Variants in PCSK2 observed in about 807,000 individuals in gnomAD.
PCSK2 encodes proprotein convertase subtilisin/kexin type 2, also known as neuroendocrine convertase 2.
Under a neutral mutation model 69.7 loss-of-function variants are expected in PCSK2, and 14 were observed. The ratio of observed to expected loss-of-function variants is 0.20; its 90% CI spans 0.13 to 0.31. PCSK2 has a LOEUF of 0.31. PCSK2 is among the 10% of genes least tolerant of loss of function. The pLI is 1.00. For missense variants in PCSK2, 544 were observed against 842.5 expected (o/e 0.65, Z 4.39); for synonymous variants, 307 against 320.7 (o/e 0.96, Z 0.46).
intron 2 of PCSK2, among the ~76,000 whole-genome samples, chr20:17,307,159 GAGACCC>G (rs1989352015): frequency 6.6e-6 from 1 of 152,136 alleles, no homozygotes; most frequent in African/African-American, 2.4e-5. Flanking sequence ...AAATTTTTTA[GAGACCC>G]TACTTGCCAA....
At chr20:17,379,520 A>G (rs1159051304) in intron 5 of PCSK2, among the ~76,000 whole-genome samples, 2 of 152,250 alleles carry the variant, frequency 1.3e-5, no homozygotes, top group African/African-American at 4.8e-5. Flanking sequence ...AATCATGAGT[A>G]CTATAACTGT....
At chr20:17,312,742 AGT>A (rs573281344) in intron 2 of PCSK2, among the ~76,000 whole-genome samples, 86 of 152,140 alleles carry the variant, frequency 5.7e-4, no homozygotes, top group African/African-American at 2.0e-3. Flanking sequence ...TGGAGAAGCG[AGT>A]GTGTGTGTCC....
chr20:17,308,794 G>A (rs1420596619), intron 2 of PCSK2, among the ~76,000 whole-genome samples: 1 of 152,108 alleles, frequency 6.6e-6, no homozygotes, highest in African/African-American at 2.4e-5. Context: ...CATTTGAACT[G>A]ACTCAACTCT....
intron 6 of PCSK2, among the ~76,000 whole-genome samples, chr20:17,414,459 C>T (rs569720383): frequency 1.3e-5 from 2 of 152,294 alleles, no homozygotes; most frequent in East Asian, 3.9e-4. Context: ...TTCCTGAACA[C>T]AAACACCCTC....
At chr20:17,480,687 T>C (rs1325667606) in intron 11 of PCSK2, among the ~76,000 whole-genome samples, 3 of 152,070 alleles carry the variant, frequency 2.0e-5, no homozygotes, top group East Asian at 1.9e-4. Context: ...GAATTGGAGA[T>C]GTAAAATAAG....
chr20:17,447,791 T>A (rs6136095), intron 8 of PCSK2, among the ~76,000 whole-genome samples: 89,854 of 151,978 alleles, frequency 0.59, 26,741 homozygotes, highest in South Asian at 0.7. Flanking sequence ...ATAAAACTAA[T>A]AAAAAATTAT....
chr20:17,387,072 G>A (rs2031256018), intron 5 of PCSK2, among the ~76,000 whole-genome samples: 1 of 152,198 alleles, frequency 6.6e-6, no homozygotes, highest in Admixed American at 6.5e-5. Flanking sequence ...TAAGGATCAT[G>A]CAGACAGGTA....
intron 6 of PCSK2, among the ~76,000 whole-genome samples, chr20:17,420,052 C>T (rs1363716715): frequency 6.6e-6 from 1 of 152,130 alleles, no homozygotes; most frequent in Non-Finnish European, 1.5e-5. Flanking sequence ...GGCTGAAGAA[C>T]ATTTATCTCT....
rs60625183 is a variant in PCSK2, at chr20:17,452,899, C to T, written c.886-843C>T. On this transcript the variant is annotated intron_variant, in intron 8 of 11. Coordinates refer to ENST00000262545, the MANE Select transcript of PCSK2 (RefSeq NM_002594.5). Reference sequence around the variant, plus strand: ...TAAGAACATGGTTTGAGGAGAAGAGCCATGCTAACTGTAGGGACTTATGCA... The same window carrying T: ...TAAGAACATGGTTTGAGGAGAAGAGTCATGCTAACTGTAGGGACTTATGCA... Among the ~76,000 whole-genome samples, 1,521 of 152,310 alleles carry T rather than the reference C, an allele frequency of 1.0e-2. 26 individuals are homozygous for T. Among genetic ancestry groups the T allele is most frequent in the African/African-American group, 0.035 (1,451 of 41,566 alleles).
intron 11 of PCSK2, among the ~76,000 whole-genome samples, chr20:17,474,925 T>C (rs2033265923): frequency 6.6e-6 from 1 of 152,178 alleles, no homozygotes; most frequent in Non-Finnish European, 1.5e-5. Context: ...TCAGACACTG[T>C]GCAGAGGGAT....
At chr20:17,448,506 C>A (rs977513278) in intron 8 of PCSK2, among the ~76,000 whole-genome samples, 1 of 152,116 alleles carries the variant, frequency 6.6e-6, no homozygotes, top group African/African-American at 2.4e-5. Context: ...TAAGGCCATG[C>A]CCAGCAAGTT....
chr20:17,298,948 C>G (rs980534986), intron 2 of PCSK2, among the ~76,000 whole-genome samples: 6 of 152,096 alleles, frequency 3.9e-5, no homozygotes, highest in Non-Finnish European at 7.4e-5. Flanking sequence ...TTCCTATAGT[C>G]TATGATGCAA....
chr20:17,449,054 G>C (rs181118937), intron 8 of PCSK2, among the ~76,000 whole-genome samples: 2,104 of 152,266 alleles, frequency 0.014, 15 homozygotes, highest in Non-Finnish European at 0.02. Context: ...TTGTACAGAT[G>C]GGGGTGAGTG....
chr20:17,339,942 A>C (rs554801646), intron 2 of PCSK2, among the ~76,000 whole-genome samples: 1 of 152,248 alleles, frequency 6.6e-6, no homozygotes, highest in African/African-American at 2.4e-5. Flanking sequence ...AGGACCTAAG[A>C]CTCAACATTT....
chr20:17,344,985 C>G (rs1990611738), intron 2 of PCSK2, among the ~76,000 whole-genome samples: 1 of 152,224 alleles, frequency 6.6e-6, no homozygotes, highest in Non-Finnish European at 1.5e-5. Flanking sequence ...TTGCAAAAAG[C>G]TGCCTAATTA....
chr20:17,402,981 G>A (rs2031676860), intron 5 of PCSK2, among the ~76,000 whole-genome samples: 5 of 151,994 alleles, frequency 3.3e-5, no homozygotes, highest in Admixed American at 2.6e-4. Context: ...AAGAAAAGAA[G>A]AAAAGAAAAC....
At chr20:17,342,103 A>G (rs1313952616) in intron 2 of PCSK2, among the ~76,000 whole-genome samples, 1 of 152,220 alleles carries the variant, frequency 6.6e-6, no homozygotes, top group East Asian at 1.9e-4. Flanking sequence ...TAAGGAGTGG[A>G]CTACATACTG....
chr20:17,384,424 C>CTA (rs1568627621), intron 5 of PCSK2, among the ~76,000 whole-genome samples: 2,270 of 76,272 alleles, frequency 0.03, 35 homozygotes, highest in Admixed American at 0.067. Context: ...TCCATATCTA[C>CTA]CAAAAAAAAA....
intron 7 of PCSK2, among the ~76,000 whole-genome samples, chr20:17,432,927 A>G (rs1026629664): frequency 1.3e-5 from 2 of 152,204 alleles, no homozygotes; most frequent in Non-Finnish European, 2.9e-5. Context: ...AAAAAATCAG[A>G]TAACAACTCA....
Sources: allele counts gnomAD v4.1 joint callset (sites outside exome capture counted in the v4.1 genomes callset), GRCh38; gene constraint gnomAD v4.1.1; transcripts MANE v1.5; gene names NCBI Gene and HGNC (gene_info 2026-07-23, HGNC 2026-07-21).